DNAJB1: variants seen among roughly 807,000 people sequenced by gnomAD.
DNAJB1 encodes dnaJ homolog subfamily B member 1.
Under a neutral mutation model 24.0 loss-of-function variants are expected in DNAJB1, and 14 were observed. The observed-to-expected ratio is 0.58, with a 90% CI of 0.39 to 0.91. DNAJB1 has a LOEUF of 0.91. Ranked by LOEUF, DNAJB1 falls within the 40% of genes least tolerant of loss-of-function variation. The pLI is 0.00. For missense variants in DNAJB1, 517 were observed against 458.1 expected (o/e 1.13, Z -1.17); for synonymous variants, 262 against 174.4 (o/e 1.50, Z -3.96).
intron 1 of DNAJB1, chr19:14,529,145 G>A: frequency 5.5e-6 from 1 of 181,464 alleles, no homozygotes; most frequent in South Asian, 8.8e-5. Flanking sequence ...ACCAGACTCC[G>A]CAGCCCGCGA....
intron 1 of DNAJB1, among the ~76,000 whole-genome samples, chr19:14,536,514 C>T (rs1454310381): frequency 6.6e-6 from 1 of 152,116 alleles, no homozygotes; most frequent in Non-Finnish European, 1.5e-5. Flanking sequence ...AAGTGATTCT[C>T]CCACCTTGGC....
chr19:14,538,532 T>C (rs1258523073), intron 1 of DNAJB1, among the ~76,000 whole-genome samples: 1 of 91,722 alleles, frequency 1.1e-5, no homozygotes, highest in African/African-American at 4.6e-5. Context: ...AAACTCTTTT[T>C]TTTCTTTTTT....
At chr19:14,550,290 G>A (rs760460162) in exon 1 of DNAJB1, among the ~76,000 whole-genome samples, 24 of 152,104 alleles carry the variant, frequency 1.6e-4, no homozygotes, top group East Asian at 5.8e-4. Flanking sequence ...GTGAGTGGGC[G>A]GGTGGTGTTA....
chr19:14,537,591 A>G (rs931034737), intron 1 of DNAJB1, among the ~76,000 whole-genome samples: 3 of 152,104 alleles, frequency 2.0e-5, no homozygotes, highest in Non-Finnish European at 1.5e-5. Context: ...ACCTTGAGCT[A>G]GTTGGTCAAG....
At chr19:14,532,738 T>C (rs1956104001), upstream of DNAJB1, among the ~76,000 whole-genome samples, 1 of 152,158 alleles carries the variant, frequency 6.6e-6, no homozygotes, top group Admixed American at 6.6e-5. Flanking sequence ...ATGTGTGTAT[T>C]GTAGGTCAGT....
rs865878315 is a variant in DNAJB1 at position 14,543,985 on chromosome 19, G to A, written c.-214+6223C>T. ...ACTCCTGACCTCAAATGATCCTCCCGCCTCAGCCTCCCAAAGTGCTAGGAT... is the reference window on the plus strand; with the variant it reads ...ACTCCTGACCTCAAATGATCCTCCCACCTCAGCCTCCCAAAGTGCTAGGAT... On this transcript the variant is annotated intron_variant, in intron 1 of 3. Coordinates refer to the DNAJB1 transcript ENST00000676982. 7.2e-5 allele frequency among the ~76,000 whole-genome samples: 11 copies of A among 151,938 alleles called. No individual in the cohort carries two copies. In the Middle Eastern group the frequency reaches 0.01, roughly 141 times the overall value.
In DNAJB1 at chr19:14,515,210, GA is replaced by G. The variant is rs2072234793; in HGVS notation, c.*729del. Reference sequence around the variant, plus strand: ...CCACGTGTGCCAAGATTGCCTTACAGAAATGTAAAGAGTGTGACCCACAAAG... The same window carrying G: ...CCACGTGTGCCAAGATTGCCTTACAGAATGTAAAGAGTGTGACCCACAAAG... On this transcript the variant is annotated 3_prime_UTR_variant, in exon 3 of 3. Coordinates refer to ENST00000254322, the MANE Select transcript of DNAJB1 (RefSeq NM_006145.3). The G allele has an allele frequency of 6.6e-6, 1 of 152,614 alleles. No homozygotes were observed. The highest frequency in any genetic ancestry group is 1.5e-5 in the Non-Finnish European group (1 of 68,048). The allele number at this position is 152,614 out of a possible 1,614,324, so 9.5% of individuals were successfully genotyped here. A position where few individuals can be genotyped will look rare whatever the true frequency, so the allele number is the denominator to read the frequency against.
upstream of DNAJB1, chr19:14,529,744 C>T: frequency 1.2e-6 from 2 of 1,613,954 alleles, no homozygotes; most frequent in Non-Finnish European, 1.7e-6. Flanking sequence ...CGTGTGGCCA[C>T]TGCTGACCCA....
Position 14,515,640 on chromosome 19 carries a change from C to G in DNAJB1, c.*300G>C. On this transcript the variant is annotated 3_prime_UTR_variant, in exon 3 of 3. Transcript: ENST00000254322. Reference sequence around the variant, plus strand: ...AGTCCATCTGCTGGTCTGCCTCTCACCCCTGGCCAGGGACTGGAGGTGGAT... The same window carrying G: ...AGTCCATCTGCTGGTCTGCCTCTCAGCCCTGGCCAGGGACTGGAGGTGGAT... 2.6e-6 allele frequency: 1 copy of G among 383,690 alleles called. No homozygotes were observed. The allele number at this position is 383,690 out of a possible 1,614,324, so 23.8% of individuals were successfully genotyped here. A position where few individuals can be genotyped will look rare whatever the true frequency, so the allele number is the denominator to read the frequency against.
chr19:14,539,083 C>G (rs1165005975), intron 1 of DNAJB1, among the ~76,000 whole-genome samples: 17 of 150,794 alleles, frequency 1.1e-4, no homozygotes, highest in Non-Finnish European at 2.4e-4. Context: ...ATGCGATTCT[C>G]CTGCCTCAGC....
intron 1 of DNAJB1, among the ~76,000 whole-genome samples, chr19:14,535,264 T>C (rs2072820214): frequency 6.6e-6 from 1 of 151,318 alleles, no homozygotes; most frequent in Non-Finnish European, 1.5e-5. Context: ...TCCCAGCACT[T>C]TGGGAGGCCG....
Position 14,515,540 on chromosome 19 carries a change from T to G in DNAJB1, c.*400A>C. The G allele has an allele frequency of 5.1e-6, 1 of 194,320 alleles. No individual in the cohort carries two copies. The highest frequency in any genetic ancestry group is 1.0e-5 in the Non-Finnish European group (1 of 95,418). 12.0% of individuals were successfully genotyped at this position (194,320 alleles called of 1,614,324 possible). ...TGATCACACAACAGAAAAGGAGGAG[T>G]GTACAGGGTCTGGGAATCAAGACTG... is the stretch of plus-strand genomic sequence containing the variant. On this transcript the variant is annotated 3_prime_UTR_variant, in exon 3 of 3. Transcript: ENST00000254322.
At chr19:14,551,745 C>G (rs2073515148), upstream of DNAJB1, among the ~76,000 whole-genome samples, 1 of 151,990 alleles carries the variant, frequency 6.6e-6, no homozygotes, top group South Asian at 2.1e-4. Flanking sequence ...GGGCTGGGTC[C>G]TCAGGCCAGG....
chr19:14,527,126 G>A (rs1302091273), intron 2 of DNAJB1, among the ~76,000 whole-genome samples: 2 of 141,976 alleles, frequency 1.4e-5, no homozygotes, highest in Non-Finnish European at 1.5e-5. Flanking sequence ...TGACACAGAA[G>A]GCCTCAAAAC....
intron 1 of DNAJB1, among the ~76,000 whole-genome samples, chr19:14,538,743 G>A (rs1318333246): frequency 1.3e-5 from 2 of 151,838 alleles, no homozygotes; most frequent in African/African-American, 4.8e-5. Flanking sequence ...ATCTTGGCCA[G>A]GCTGGTCTTG....
At chr19:14,529,989 C>T (rs2072563032), upstream of DNAJB1, 1 of 551,900 alleles carries the variant, frequency 1.8e-6, no homozygotes, top group Admixed American at 3.1e-5. Flanking sequence ...TTGCAGCTCC[C>T]CCAGCGGGCT....
At chr19:14,529,817 A>G, upstream of DNAJB1, 1 of 1,543,350 alleles carries the variant, frequency 6.5e-7, no homozygotes, top group Non-Finnish European at 8.9e-7. Context: ...CCGAAGGAAG[A>G]GCCAGACGGC....
upstream of DNAJB1, among the ~76,000 whole-genome samples, chr19:14,554,350 C>T (rs1004984334): frequency 3.9e-5 from 6 of 152,172 alleles, no homozygotes; most frequent in Admixed American, 3.3e-4. Flanking sequence ...GGTTCATAAG[C>T]CATGGGAGAT....
intron 1 of DNAJB1, among the ~76,000 whole-genome samples, chr19:14,540,195 G>A (rs548249032): frequency 6.6e-6 from 1 of 152,100 alleles, no homozygotes; most frequent in African/African-American, 2.4e-5. Context: ...GAGTAGCTGG[G>A]AGTACAGGCA....
Sources: allele counts gnomAD v4.1 joint callset (sites outside exome capture counted in the v4.1 genomes callset), GRCh38; gene constraint gnomAD v4.1.1; transcripts MANE v1.5; gene names NCBI Gene and HGNC (gene_info 2026-07-23, HGNC 2026-07-21).